The following OLFML2A variants were observed in gnomAD, a reference collection of about 807,000 sequenced individuals.
OLFML2A encodes the protein olfactomedin like 2A, also known as olfactomedin-like protein 2A.
A neutral mutation model predicts 60.9 loss-of-function variants in OLFML2A; 47 were observed. The ratio of observed to expected loss-of-function variants is 0.77; its 90% CI spans 0.61 to 0.98. The LOEUF (loss-of-function observed/expected upper bound fraction) is 0.98. Ranked by LOEUF, OLFML2A falls within the 50% of genes least tolerant of loss-of-function variation. The pLI is 0.00. For synonymous variants in OLFML2A, 372 were observed against 375.0 expected (o/e 0.99, Z 0.09); for missense variants, 922 against 879.8 (o/e 1.05, Z -0.61).
intron 2 of OLFML2A, among the ~76,000 whole-genome samples, chr9:124,791,363 G>C (rs1195279004): frequency 6.6e-6 from 1 of 152,232 alleles, no homozygotes; most frequent in Non-Finnish European, 1.5e-5. Flanking sequence ...CTGTGGTGAA[G>C]GGCCAGTTTT....
At position 124,807,935 on chromosome 9, in the gene OLFML2A, G is replaced by A. The variant is rs1841934805; in HGVS notation, c.1323G>A (p.Val441=). The change falls in exon 7 of 8, where the codon GTG becomes GTA. Residue 441 remains valine (V), a synonymous_variant. Coordinates refer to ENST00000373580, the MANE Select transcript of OLFML2A (RefSeq NM_182487.4). The part of the protein sequence containing the change: ...VTNYYYGNSL[V]EFRNLENFKQ... ...ACTACTACTATGGAAACAGCCTGGT[G>A]GAGTTCCGCAACCTGGAAAACTTCA... The A allele has an allele frequency of 6.2e-7, 1 of 1,614,158 alleles. No homozygotes were observed. The highest frequency in any genetic ancestry group is 8.5e-7 in the Non-Finnish European group (1 of 1,179,996).
At chr9:124,792,461 C>T (rs1464847647) in intron 2 of OLFML2A, among the ~76,000 whole-genome samples, 1 of 152,198 alleles carries the variant, frequency 6.6e-6, no homozygotes, top group Non-Finnish European at 1.5e-5. Context: ...TTGCTGTGTC[C>T]TTGGCAGTCT....
At chr9:124,792,407 C>T (rs1172801265) in intron 2 of OLFML2A, among the ~76,000 whole-genome samples, 4 of 152,164 alleles carry the variant, frequency 2.6e-5, no homozygotes, top group Admixed American at 6.6e-5. Context: ...GATCTGGATG[C>T]CTATGTGTCA....
At chr9:124,798,624 A>G (rs1841710584) in intron 3 of OLFML2A, among the ~76,000 whole-genome samples, 1 of 151,902 alleles carries the variant, frequency 6.6e-6, no homozygotes, top group Non-Finnish European at 1.5e-5. Flanking sequence ...ACTTGAGGCC[A>G]GGAGTTCCAG....
At chr9:124,783,986 T>A (rs534327847) in intron 1 of OLFML2A, among the ~76,000 whole-genome samples, 2 of 152,156 alleles carry the variant, frequency 1.3e-5, no homozygotes, top group African/African-American at 4.8e-5. Flanking sequence ...TACAAGGAAG[T>A]AAGCCAGGGA....
chr9:124,809,952 C>A lies in OLFML2A; in HGVS notation c.1499C>A (p.Ala500Glu), dbSNP rs374229153. 1 of 1,614,148 alleles carries A rather than the reference C, an allele frequency of 6.2e-7. No homozygotes were observed. Among genetic ancestry groups the A allele is most frequent in the Non-Finnish European group, 8.5e-7 (1 of 1,180,020 alleles). Residue 500 changes from alanine to glutamate, a missense_variant, in exon 8 of 8, where the codon GCG becomes GAG. Physicochemically the swap from Ala to Glu is moderately radical, Grantham distance 107. Coordinates refer to ENST00000373580, the MANE Select transcript of OLFML2A (RefSeq NM_182487.4). Reference protein sequence around the residue: ...DLRQRFVASWALLPDVVYEDT... With the variant: ...DLRQRFVASWELLPDVVYEDT... ...CGGCAGCGCTTCGTGGCCTCCTGGG[C>A]GCTGCTGCCCGACGTGGTATATGAG...
chr9:124,777,469 G>A lies in OLFML2A; in HGVS notation c.90+109G>A. ...AGCCCGGGGCCAGGGCGGAGGAGCCGGGAGCTGAGAGACCGAACCTGGGAC... is the reference window on the plus strand; with the variant it reads ...AGCCCGGGGCCAGGGCGGAGGAGCCAGGAGCTGAGAGACCGAACCTGGGAC... On this transcript the variant is annotated intron_variant, in intron 1 of 7. Transcript: ENST00000373580. This position sits in a 1 kb window ranked among gnomAD's most constrained non-coding sequence, Gnocchi z 6.2. 8.9e-7 allele frequency: 1 copy of A among 1,122,726 alleles called. No homozygotes were observed. The highest frequency in any genetic ancestry group is 1.1e-6 in the Non-Finnish European group (1 of 895,974). 69.5% of individuals were successfully genotyped at this position (1,122,726 alleles called of 1,614,324 possible). A position where few individuals can be genotyped will look rare whatever the true frequency, so the allele number is the denominator to read the frequency against.
intron 2 of OLFML2A, among the ~76,000 whole-genome samples, chr9:124,790,435 A>G (rs574705057): frequency 2.0e-5 from 3 of 152,130 alleles, no homozygotes; most frequent in Non-Finnish European, 2.9e-5. Flanking sequence ...TCGGCCTCCC[A>G]ATATGCTGGG....
In OLFML2A at chr9:124,811,399, C is replaced by T. The variant is rs1438127193; in HGVS notation, c.*987C>T. 1.3e-5 allele frequency: 2 copies of T among 152,794 alleles called. No homozygotes were observed. Among genetic ancestry groups the T allele is most frequent in the Non-Finnish European group, 2.9e-5 (2 of 68,146 alleles). The allele number at this position is 152,794 out of a possible 1,614,324, so 9.5% of individuals were successfully genotyped here. ...TGGGCTTTCAAACCCACAACCTTTA[C>T]ACACTCAGGGATACCTCCGGGTCTG... On this transcript the variant is annotated 3_prime_UTR_variant, in exon 8 of 8. Transcript: ENST00000373580.
intron 5 of OLFML2A, 82 bp downstream of exon 5, chr9:124,801,745 C>A: frequency 1.4e-6 from 2 of 1,432,354 alleles, no homozygotes; most frequent in Non-Finnish European, 1.9e-6. Flanking sequence ...TGCAGTGGGA[C>A]CACCCCAGAT....
chr9:124,792,835 A>G (rs141299792), intron 2 of OLFML2A, among the ~76,000 whole-genome samples: 3,138 of 152,154 alleles, frequency 0.021, 55 homozygotes, highest in Non-Finnish European at 0.035. Flanking sequence ...CTATTGTCCC[A>G]TTTCTTAACA....
At position 124,779,327 on chromosome 9, in the gene OLFML2A, G is replaced by T. The variant is rs964976322; in HGVS notation, c.90+1967G>T. ...TTCCCTGATCTGGCTCAGGTATGATGACAAGTGAGTAGAAAATCCTAGGTA... is the reference window on the plus strand; with the variant it reads ...TTCCCTGATCTGGCTCAGGTATGATTACAAGTGAGTAGAAAATCCTAGGTA... On this transcript the variant is annotated intron_variant, in intron 1 of 7. Transcript: ENST00000373580. This position sits in a 1 kb window ranked among gnomAD's most constrained non-coding sequence, Gnocchi z 4.1. Among the ~76,000 whole-genome samples, 73 of 152,196 alleles carry T rather than the reference G, an allele frequency of 4.8e-4. 1 individual carries two copies. The highest frequency in any genetic ancestry group is 8.7e-4 in the Non-Finnish European group (59 of 68,038).
chr9:124,810,728 A>C lies in OLFML2A; in HGVS notation c.*316A>C, dbSNP rs917516405. 13 of 355,392 alleles carry C rather than the reference A, an allele frequency of 3.7e-5. No individual in the cohort carries two copies. The highest frequency in any genetic ancestry group is 2.1e-5 in the Non-Finnish European group (4 of 193,528). The allele number at this position is 355,392 out of a possible 1,614,324, so 22.0% of individuals were successfully genotyped here. ...AGAGAGGCACCGTCCCTTGCCTAAC[A>C]CCTCAGTTGTGATCAGGCAGGCTGT... On this transcript the variant is annotated 3_prime_UTR_variant, in exon 8 of 8. Coordinates refer to ENST00000373580, the MANE Select transcript of OLFML2A (RefSeq NM_182487.4).
chr9:124,787,303 A>G, intron 2 of OLFML2A, 65 bp downstream of exon 2: 1 of 1,506,186 alleles, frequency 6.6e-7, no homozygotes, highest in Non-Finnish European at 9.1e-7. Flanking sequence ...CTGTCCTGCC[A>G]GTGAAAATTC....
intron 2 of OLFML2A, among the ~76,000 whole-genome samples, chr9:124,787,623 G>A (rs1380476237): frequency 4.0e-5 from 6 of 151,278 alleles, no homozygotes; most frequent in African/African-American, 7.3e-5. Context: ...GCAGTGGCAC[G>A]ATCTCGGCTT....
At chr9:124,796,187 C>T (rs1224041898) in intron 3 of OLFML2A, among the ~76,000 whole-genome samples, 1 of 152,214 alleles carries the variant, frequency 6.6e-6, no homozygotes, top group Non-Finnish European at 1.5e-5. Context: ...TTCCTCACCC[C>T]AAAGTTGGGA....
Position 124,813,633 on chromosome 9 carries a change from G to C in OLFML2A, c.*3221G>C, listed in dbSNP as rs967048178. The stretch of plus-strand genomic sequence containing the variant: ...ATCCACAGAGAAGCCCCAAGAAGGA[G>C]GTTGGGGCCAGCTCATAAAAAGCCT... On this transcript the variant is annotated 3_prime_UTR_variant, in exon 8 of 8. Transcript: ENST00000373580. 9 of 152,216 alleles carry C rather than the reference G, an allele frequency of 5.9e-5. No individual in the cohort carries two copies. The highest frequency in any genetic ancestry group is 1.2e-4 in the Non-Finnish European group (8 of 68,042). 9.4% of individuals were successfully genotyped at this position (152,216 alleles called of 1,614,324 possible).
At chr9:124,807,717 C>A in intron 6 of OLFML2A, 64 bp from the exon 7 acceptor site, 1 of 1,329,638 alleles carries the variant, frequency 7.5e-7, no homozygotes, top group Non-Finnish European at 1.0e-6. Flanking sequence ...CATTCCCAGC[C>A]CGTTGCTCTG....
At chr9:124,784,943 G>GTTTTTTTTGTTTTTTTTTTTTTTTTT (rs1841429970) in intron 1 of OLFML2A, among the ~76,000 whole-genome samples, 2 of 69,592 alleles carry the variant, frequency 2.9e-5, no homozygotes, top group African/African-American at 1.3e-4. Context: ...CCTTTTACTT[G>GTTTTTTTTGTTTTTTTTTTTTTTTTT]TTTTTTTTTT....
Sources: gnomAD v4.1 joint callset for allele counts (sites outside exome capture counted in the v4.1 genomes callset) on GRCh38, gnomAD v4.1.1 for gene constraint, Gnocchi (gnomAD v3.1) non-coding constraint, MANE v1.5 for transcripts, NCBI Gene and HGNC (gene_info 2026-07-23, HGNC 2026-07-21) for gene names.